PIGN: variants seen among roughly 807,000 people sequenced by gnomAD.
PIGN encodes the protein phosphatidylinositol glycan anchor biosynthesis class N, also known as GPI ethanolamine phosphate transferase 1.
A neutral mutation model predicts 125.4 loss-of-function variants in PIGN; 117 were observed. The observed-to-expected ratio is 0.93, with a 90% CI of 0.80 to 1.09. The LOEUF is 1.09. PIGN is among the 50% of genes least tolerant of loss of function. The probability of loss-of-function intolerance (pLI) is 0.00; values close to 1 mark genes in which losing one functional copy is unlikely to be tolerated. For missense variants in PIGN, 1,075 were observed against 1,094.9 expected (o/e 0.98, Z 0.26); for synonymous variants, 392 against 377.8 (o/e 1.04, Z -0.44).
At position 62,074,789 on chromosome 18, in the gene PIGN, A is replaced by C; in HGVS notation, c.2609T>G (p.Ile870Ser). 6.2e-7 allele frequency: 1 copy of C among 1,605,404 alleles called. No individual in the cohort carries two copies. Among genetic ancestry groups the C allele is most frequent in the Non-Finnish European group, 8.5e-7 (1 of 1,173,100 alleles). The change falls in exon 29 of 31, where the codon ATT becomes AGT. Residue 870 changes from isoleucine (I) to serine (S), a missense_variant. By Grantham distance (142) the Ile-to-Ser change is moderately radical (BLOSUM62 -2). Coordinates refer to ENST00000640252, the MANE Select transcript of PIGN (RefSeq NM_176787.5). ...CCAGTAATGCCTTACCAAAGCCATA[A>C]TGTCTGATATGACGAGAACAATGAG... ...LFLIVLVISD[I>S]MALHFFFLVK...
chr18:62,025,238 C>A (rs981692169), intron 23 of PIGN, among the ~76,000 whole-genome samples: 4 of 152,178 alleles, frequency 2.6e-5, no homozygotes, highest in Non-Finnish European at 5.9e-5. Context: ...AAAATGGTAT[C>A]ATGCTGTACA....
At chr18:62,031,677 C>G (rs755228803) in intron 23 of PIGN, among the ~76,000 whole-genome samples, 11 of 152,142 alleles carry the variant, frequency 7.2e-5, no homozygotes, top group Non-Finnish European at 2.9e-5. Context: ...TCAAAAGAAA[C>G]AGGGCAAATG....
intron 14 of PIGN, among the ~76,000 whole-genome samples, chr18:62,120,519 A>G (rs2035263206): frequency 2.0e-5 from 3 of 152,184 alleles, no homozygotes; most frequent in Admixed American, 1.3e-4. Flanking sequence ...ATCTAAATAA[A>G]TGTTGATAAT....
At chr18:62,087,906 T>G (rs956432336) in intron 25 of PIGN, among the ~76,000 whole-genome samples, 2 of 152,142 alleles carry the variant, frequency 1.3e-5, no homozygotes, top group Non-Finnish European at 2.9e-5. Flanking sequence ...GAAGTTTCAG[T>G]TGTGCAAGAT....
rs1555694236 is a variant in PIGN, at chr18:62,146,025, C to A, written c.806G>T (p.Gly269Val). 7.1e-7 allele frequency: 1 copy of A among 1,413,718 alleles called. No individual in the cohort carries two copies. Among genetic ancestry groups the A allele is most frequent in the South Asian group, 1.3e-5 (1 of 78,450 alleles). 87.6% of individuals were successfully genotyped at this position (1,413,718 alleles called of 1,614,324 possible). A position where few individuals can be genotyped will look rare whatever the true frequency, so the allele number is the denominator to read the frequency against. ...TGAAGGATGACCAGCCCCATGGGAA[C>A]CTACAAATAAGATATAAAGAATAAT... ...FTSDHGMTDWGSHGAGHPSET... is the reference protein window; with the variant it reads ...FTSDHGMTDWVSHGAGHPSET... The change falls in exon 10 of 31, where the codon GGT (glycine) becomes GTT (valine). Residue 269 changes from glycine (G) to valine (V), a missense_variant and splice_region_variant. Physicochemically the swap from Gly to Val is moderately radical, Grantham distance 109. Coordinates refer to ENST00000640252, the MANE Select transcript of PIGN (RefSeq NM_176787.5).
At chr18:62,114,353 C>A (rs1161403773) in intron 15 of PIGN, among the ~76,000 whole-genome samples, 1 of 143,166 alleles carries the variant, frequency 7.0e-6, no homozygotes, top group Non-Finnish European at 1.6e-5. Flanking sequence ...CAGCGACACT[C>A]TGTCTCAAAA....
chr18:62,147,187 G>A (rs1456178179), intron 8 of PIGN, 86 bp from the exon 9 acceptor site: 37 of 1,408,086 alleles, frequency 2.6e-5, no homozygotes, highest in Non-Finnish European at 2.9e-5. Context: ...TTCAAAATCA[G>A]TAACTTCTGA....
At chr18:62,178,658 A>C (rs1034796430) in intron 1 of PIGN, among the ~76,000 whole-genome samples, 1 of 151,944 alleles carries the variant, frequency 6.6e-6, no homozygotes, top group African/African-American at 2.4e-5. Flanking sequence ...TGGAGCCTGC[A>C]CACAAGATTA....
At chr18:62,126,996 T>C (rs1667676267) in intron 14 of PIGN, among the ~76,000 whole-genome samples, 1 of 152,176 alleles carries the variant, frequency 6.6e-6, no homozygotes, top group South Asian at 2.1e-4. Flanking sequence ...CATTCCTATC[T>C]TGTCAATCTT....
rs1285848947 is a variant in PIGN at position 62,102,895 on chromosome 18, C to A, written c.1867G>T (p.Ala623Ser). Residue 623 changes from alanine (A) to serine (S), a missense_variant, in exon 21 of 31, where the codon GCA becomes TCA. Ala to Ser is a moderately conservative substitution (Grantham distance 99). Around this residue, in one of 3 missense-constraint regions of PIGN, gnomAD observed 915 missense variants for 908.7 expected, o/e 1.01. Coordinates refer to ENST00000640252, the MANE Select transcript of PIGN (RefSeq NM_176787.5). ...GATAACAGAAGAACCAGCAAGCCTG[C>A]ACCCATCCTGTTTTGAAATACAATT... ...RKPDISLVMG[A>S]GLLVLLLSLC... The A allele has an allele frequency of 6.4e-7, 1 of 1,552,220 alleles. No homozygotes were observed.
intron 30 of PIGN, among the ~76,000 whole-genome samples, chr18:62,055,934 T>A (rs1422854664): frequency 1.3e-5 from 2 of 151,024 alleles, no homozygotes; most frequent in Admixed American, 1.3e-4. Context: ...GTTAAATGAA[T>A]TATTAAAGAT....
intron 15 of PIGN, 86 bp downstream of exon 15, chr18:62,114,475 T>C (rs2146607042): frequency 6.3e-6 from 5 of 794,550 alleles, no homozygotes; most frequent in East Asian, 2.7e-5. Flanking sequence ...GAAAGCTCCC[T>C]GGCCTGCCTA....
At chr18:62,155,427 GGTGTGGTGGT>G (rs1424352355) in intron 6 of PIGN, among the ~76,000 whole-genome samples, 1 of 152,018 alleles carries the variant, frequency 6.6e-6, no homozygotes, top group East Asian at 1.9e-4. Context: ...AAATTAGCTG[GGTGTGGTGGT>G]GTGCGCTTGT....
At chr18:62,160,398 T>C (rs1336208047) in intron 4 of PIGN, among the ~76,000 whole-genome samples, 1 of 152,248 alleles carries the variant, frequency 6.6e-6, no homozygotes, top group Non-Finnish European at 1.5e-5. Flanking sequence ...GGGCTCTATA[T>C]TCTTTTACAG....
Position 62,146,026 on chromosome 18 carries a change from C to A in PIGN, c.806-1G>T. The A allele has an allele frequency of 7.1e-7, 1 of 1,399,094 alleles. No homozygotes were observed. The highest frequency in any genetic ancestry group is 9.9e-7 in the Non-Finnish European group (1 of 1,008,362). The allele number at this position is 1,399,094 out of a possible 1,614,324, so 86.7% of individuals were successfully genotyped here. A position where few individuals can be genotyped will look rare whatever the true frequency, so the allele number is the denominator to read the frequency against. On this transcript the variant is annotated splice_acceptor_variant, in intron 9 of 30. Transcript: ENST00000640252. LOFTEE classifies it high-confidence loss of function. ...GAAGGATGACCAGCCCCATGGGAAC[C>A]TACAAATAAGATATAAAGAATAATA...
rs186358675 is a variant in PIGN, at chr18:62,104,215, A to G, written c.1860-1313T>C. Among the ~76,000 whole-genome samples, 948 of 152,330 alleles carry G rather than the reference A, an allele frequency of 6.2e-3. 5 individuals are homozygous for G. The highest frequency in any genetic ancestry group is 9.2e-3 in the Non-Finnish European group (629 of 68,034). ...AAACAATATAATTTTCTAAAATATA[A>G]ATTAGATTTCTCATATTTTAACAAG... On this transcript the variant is annotated intron_variant, in intron 20 of 30. Transcript: ENST00000640252.
intron 7 of PIGN, among the ~76,000 whole-genome samples, chr18:62,151,991 T>C (rs1200035743): frequency 1.3e-5 from 2 of 152,188 alleles, no homozygotes; most frequent in Non-Finnish European, 2.9e-5. Flanking sequence ...CTTGAGAATA[T>C]TTGCTCAAGG....
chr18:62,119,318 A>T (rs1383022747), intron 14 of PIGN, among the ~76,000 whole-genome samples: 1 of 152,218 alleles, frequency 6.6e-6, no homozygotes, highest in Non-Finnish European at 1.5e-5. Flanking sequence ...CAAACTCACA[A>T]ATGGTTTGGT....
chr18:62,178,529 G>A (rs1210458845), intron 1 of PIGN, among the ~76,000 whole-genome samples: 1 of 151,532 alleles, frequency 6.6e-6, no homozygotes, highest in Non-Finnish European at 1.5e-5. Context: ...CAGCTACTTA[G>A]GAGGGTGAGG....
Sources: allele counts gnomAD v4.1 joint callset (sites outside exome capture counted in the v4.1 genomes callset), GRCh38; gene constraint gnomAD v4.1.1; regional missense constraint gnomAD v4.1.1; transcripts MANE v1.5; gene names NCBI Gene and HGNC (gene_info 2026-07-23, HGNC 2026-07-21).